Variants in CACNA1D observed in about 807,000 individuals in gnomAD.
CACNA1D encodes voltage-dependent L-type calcium channel subunit alpha-1D.
Under a neutral mutation model 257.1 loss-of-function variants are expected in CACNA1D, and 55 were observed. That is an observed-to-expected ratio of 0.21 (90% confidence interval 0.17 to 0.27). The LOEUF (loss-of-function observed/expected upper bound fraction) is 0.27, where lower values mean the gene tolerates loss of function less well. CACNA1D is among the 10% of genes least tolerant of loss of function. CACNA1D has a pLI of 1.00. For synonymous variants in CACNA1D, 980 were observed against 1,014.9 expected, an observed-to-expected ratio of 0.97 and a Z score of 0.65; for missense variants, 1,876 against 2,784.0, an observed-to-expected ratio of 0.67 and a Z score of 7.34.
intron 42 of CACNA1D, among the ~76,000 whole-genome samples, chr3:53,801,675 C>T (rs546425823): frequency 5.9e-5 from 9 of 152,210 alleles, no homozygotes; most frequent in Non-Finnish European, 1.3e-4. Flanking sequence ...GACCTTAAAA[C>T]AGCAGCAGCC....
intron 29 of CACNA1D, 75 bp from the exon 30 acceptor site, chr3:53,761,923 T>A: frequency 9.7e-7 from 1 of 1,035,320 alleles, no homozygotes; most frequent in Non-Finnish European, 1.5e-6. Context: ...GGGACTCGGA[T>A]TCGCCCCTAT....
At chr3:53,522,829 AG>A (rs1205963690) in intron 3 of CACNA1D, among the ~76,000 whole-genome samples, 2 of 152,194 alleles carry the variant, frequency 1.3e-5, no homozygotes, top group Non-Finnish European at 2.9e-5. Context: ...ATTAACTATT[AG>A]TCACCCTACT....
chr3:53,674,330 G>A (rs1223978395), intron 8 of CACNA1D, among the ~76,000 whole-genome samples: 2 of 152,174 alleles, frequency 1.3e-5, no homozygotes, highest in African/African-American at 4.8e-5. Context: ...CCTTAGATTG[G>A]GATTCTTTAT....
At chr3:53,739,634 A>C (rs539969974) in intron 20 of CACNA1D, among the ~76,000 whole-genome samples, 34 of 152,286 alleles carry the variant, frequency 2.2e-4, no homozygotes, top group African/African-American at 8.2e-4. Flanking sequence ...AAAAACCCTG[A>C]GTTTAGAGAG....
chr3:53,682,956 AG>A (rs1031576641), intron 8 of CACNA1D, among the ~76,000 whole-genome samples: 2 of 152,202 alleles, frequency 1.3e-5, no homozygotes, highest in Non-Finnish European at 1.5e-5. Flanking sequence ...TAAACTCCGC[AG>A]TTGTCCTGGC....
chr3:53,652,830 C>T (rs956354284), intron 4 of CACNA1D, among the ~76,000 whole-genome samples: 7 of 152,204 alleles, frequency 4.6e-5, no homozygotes, highest in African/African-American at 1.7e-4. Context: ...TAGTTTAGGT[C>T]TACAAAACCT....
At chr3:53,760,968 A>T (rs1026782810) in intron 29 of CACNA1D, among the ~76,000 whole-genome samples, 1 of 152,248 alleles carries the variant, frequency 6.6e-6, no homozygotes, top group Admixed American at 6.5e-5. Flanking sequence ...AAGACCCCAC[A>T]TTCAGCCATC....
rs771097893 is a variant in CACNA1D at position 53,723,706 on chromosome 3, G to A, written c.1892+47G>A. 7.5e-6 allele frequency: 12 copies of A among 1,595,404 alleles called. No individual in the cohort carries two copies. In the Admixed American group the frequency reaches 8.3e-5, roughly 11 times the overall value. On this transcript the variant is annotated intron_variant, in intron 13 of 47. Transcript: ENST00000350061. This position sits in a 1 kb window ranked among gnomAD's most constrained non-coding sequence, Gnocchi z 5.6. ...TGCAAATGTTTTATGAACATGAGGC[G>A]GCAACCAGTCACATCCCCGGGCAGG...
chr3:53,699,190 C>T (rs188012050), intron 8 of CACNA1D, among the ~76,000 whole-genome samples: 4 of 152,258 alleles, frequency 2.6e-5, no homozygotes, highest in East Asian at 1.9e-4. Context: ...CAGCTCATTG[C>T]GATCACTCTG....
rs765616290 is a variant in CACNA1D, at chr3:53,665,778, A to G, written c.885A>G (p.Gly295=). Residue 295 remains glycine (G), a synonymous_variant, in exon 6 of 48, where the codon GGA becomes GGG. Coordinates refer to ENST00000350061, the MANE Select transcript of CACNA1D (RefSeq NM_001128840.3). ...TTATAGGATTGGAACTTTTTATTGG[A>G]AAAATGCACAAAACATGTTTTTTTG... ...YAIIGLELFI[G]KMHKTCFFAD... 1.2e-6 allele frequency: 2 copies of G among 1,611,240 alleles called. No homozygotes were observed.
At chr3:53,770,191 C>T (rs1259905240) in intron 31 of CACNA1D, among the ~76,000 whole-genome samples, 174 bp downstream of exon 31, 2 of 152,228 alleles carry the variant, frequency 1.3e-5, no homozygotes, top group African/African-American at 2.4e-5. Context: ...CAGCGTTCTC[C>T]TCTAACACAG....
chr3:53,527,760 TAAATG>T (rs1337736832), intron 3 of CACNA1D, among the ~76,000 whole-genome samples: 1 of 152,226 alleles, frequency 6.6e-6, no homozygotes, highest in East Asian at 1.9e-4. Context: ...TTATTTGAGA[TAAATG>T]GAGTGTGCCC....
chr3:53,785,001 G>A (rs1020031576), intron 39 of CACNA1D, among the ~76,000 whole-genome samples: 1 of 152,142 alleles, frequency 6.6e-6, no homozygotes, highest in Non-Finnish European at 1.5e-5. Context: ...GTGGTGAGCA[G>A]ATCCACCATG....
rs1173886222 is a variant in CACNA1D at position 53,812,159 on chromosome 3, T to G, written c.*753T>G. ...AGTTTGTTTAAAATTATAGATTTACTGTACATGACTTGTAATATACTATAA... is the reference window on the plus strand; with the variant it reads ...AGTTTGTTTAAAATTATAGATTTACGGTACATGACTTGTAATATACTATAA... On this transcript the variant is annotated 3_prime_UTR_variant, in exon 48 of 48. Coordinates refer to ENST00000350061, the MANE Select transcript of CACNA1D (RefSeq NM_001128840.3). 1 of 152,240 alleles carries G rather than the reference T, an allele frequency of 6.6e-6. No individual in the cohort carries two copies. The highest frequency in any genetic ancestry group is 1.5e-5 in the Non-Finnish European group (1 of 68,056). 9.4% of individuals were successfully genotyped at this position (152,240 alleles called of 1,614,324 possible). A position where few individuals can be genotyped will look rare whatever the true frequency, so the allele number is the denominator to read the frequency against.
intron 3 of CACNA1D, among the ~76,000 whole-genome samples, chr3:53,546,803 C>T (rs1048214063): frequency 5.9e-5 from 9 of 152,160 alleles, no homozygotes; most frequent in African/African-American, 1.7e-4. Flanking sequence ...GCAAGAGACT[C>T]GACTCTCCTG....
intron 3 of CACNA1D, among the ~76,000 whole-genome samples, chr3:53,588,637 G>A (rs144165865): frequency 1.3e-5 from 2 of 152,200 alleles, no homozygotes; most frequent in Admixed American, 1.3e-4. Context: ...TTCCCTGAGA[G>A]CAGCAAAGGC....
chr3:53,569,259 G>T (rs1257998487), intron 3 of CACNA1D, among the ~76,000 whole-genome samples: 1 of 152,142 alleles, frequency 6.6e-6, no homozygotes, highest in African/African-American at 2.4e-5. Flanking sequence ...TCCAGTTGAG[G>T]CCTCCCTTCC....
At chr3:53,549,852 T>G (rs975099386) in intron 3 of CACNA1D, among the ~76,000 whole-genome samples, 1 of 152,242 alleles carries the variant, frequency 6.6e-6, no homozygotes, top group Non-Finnish European at 1.5e-5. Context: ...AATGATGTTC[T>G]TATACTGCCT....
intron 19 of CACNA1D, among the ~76,000 whole-genome samples, chr3:53,735,112 C>T (rs1013069832): frequency 3.3e-5 from 5 of 152,236 alleles, no homozygotes; most frequent in Non-Finnish European, 5.9e-5. Flanking sequence ...CAACAAGCCC[C>T]ACTTCCAAGG....
Sources: allele counts gnomAD v4.1 joint callset (sites outside exome capture counted in the v4.1 genomes callset), GRCh38; gene constraint gnomAD v4.1.1; non-coding constraint Gnocchi (gnomAD v3.1); transcripts MANE v1.5; gene names NCBI Gene and HGNC (gene_info 2026-07-23, HGNC 2026-07-21).